ASB11: variants seen among roughly 807,000 people sequenced by gnomAD.
The protein encoded by ASB11 is ankyrin repeat and SOCS box protein 11.
Under a neutral mutation model 20.1 loss-of-function variants are expected in ASB11, and 17 were observed. That is an observed-to-expected ratio of 0.85 (90% confidence interval 0.58 to 1.27). ASB11 has a LOEUF of 1.27. Ranked by LOEUF, ASB11 falls within the 50% of genes most tolerant of loss-of-function variation. ASB11 has a pLI of 0.00. For missense variants in ASB11, 259 were observed against 256.9 expected, an observed-to-expected ratio of 1.01 and a Z score of -0.06; for synonymous variants, 107 against 105.6, an observed-to-expected ratio of 1.01 and a Z score of -0.08.
At chrX:15,304,947 A>G (rs2147700327) in intron 1 of ASB11, among the ~76,000 whole-genome samples, 1 of 111,984 alleles carries the variant, frequency 8.9e-6, no homozygotes. Context: ...ATTATATCTT[A>G]TCAAATAAAA....
chrX:15,290,562 A>G (rs763546093), intron 4 of ASB11, among the ~76,000 whole-genome samples: 7 of 112,481 alleles, frequency 6.2e-5, no homozygotes, highest in South Asian at 3.7e-4. Flanking sequence ...AGTTTGCCCA[A>G]TAAATAGATA....
intron 5 of ASB11, 41 bp from the exon 6 acceptor site, chrX:15,288,113 T>C (rs867166879): frequency 8.8e-7 from 1 of 1,136,193 alleles, no homozygotes; most frequent in Admixed American, 2.5e-5. Flanking sequence ...CTAAATGTAA[T>C]GTAAAGCACA....
chrX:15,290,851 A>T (rs1400247752), intron 4 of ASB11, among the ~76,000 whole-genome samples: 3 of 112,097 alleles, frequency 2.7e-5, no homozygotes, highest in African/African-American at 9.7e-5. Flanking sequence ...TTGTTCACAT[A>T]ATTAAATATT....
Position 15,287,896 on chromosome X carries a change from G to A in ASB11, c.832C>T (p.Leu278Phe). 8.3e-7 allele frequency: 1 copy of A among 1,208,823 alleles called. No individual in the cohort carries two copies. Among genetic ancestry groups the A allele is most frequent in the Non-Finnish European group, 1.1e-6 (1 of 893,904 alleles). The change falls in exon 6 of 7, where the codon CTC becomes TTC. Residue 278 changes from leucine (L) to phenylalanine (F), a missense_variant. Leu to Phe is a conservative substitution (Grantham distance 22, BLOSUM62 0). Transcript: ENST00000480796. ...AAPKSSVEQALLLREGPPALS... is the reference protein window; with the variant it reads ...AAPKSSVEQAFLLREGPPALS... Reference sequence around the variant, plus strand: ...CCTTGGTTACCTTCACGGAGCAAGAGTGCCTGCTCCACGCTGCTTTTTGGA... The same window carrying A: ...CCTTGGTTACCTTCACGGAGCAAGAATGCCTGCTCCACGCTGCTTTTTGGA...
At position 15,283,576 on chromosome X, in the gene ASB11, G is replaced by A. The variant is rs140674300; in HGVS notation, c.901C>T (p.Arg301Ter). The A allele has an allele frequency of 5.0e-6, 6 of 1,209,795 alleles. No individual in the cohort carries two copies. The highest frequency in any genetic ancestry group is 3.0e-5 in the East Asian group (1 of 33,811). Residue 301 changes from arginine to a stop codon, truncating the protein, a stop_gained, in exon 7 of 7, where the codon CGA (arginine) becomes TGA (stop). Coordinates refer to ENST00000480796, the MANE Select transcript of ASB11 (RefSeq NM_080873.3). LOFTEE classifies it high-confidence loss of function. ...CRLCVRKCLG[R>*]ACHQAIHKLH... Reference sequence around the variant, plus strand: ...TTGTGGATGGCTTGATGACATGCTCGACCGAGACACTTCCGGACACACAGG... The same window carrying A: ...TTGTGGATGGCTTGATGACATGCTCAACCGAGACACTTCCGGACACACAGG...
At chrX:15,306,302 T>C (rs1921244514) in intron 1 of ASB11, among the ~76,000 whole-genome samples, 1 of 112,461 alleles carries the variant, frequency 8.9e-6, no homozygotes, top group African/African-American at 3.2e-5. Flanking sequence ...ATGGGATTGC[T>C]GAGTCGAATG....
chrX:15,298,525 A>G (rs16979812), intron 2 of ASB11, among the ~76,000 whole-genome samples: 2,909 of 111,362 alleles, frequency 0.026, 101 homozygotes, highest in African/African-American at 0.089. Context: ...TGGAGCACCT[A>G]TGAAGTCTGC....
chrX:15,303,431 C>T (rs781652574), intron 1 of ASB11, among the ~76,000 whole-genome samples: 3 of 112,255 alleles, frequency 2.7e-5, no homozygotes, highest in East Asian at 2.8e-4. Flanking sequence ...TCCTGGGCCA[C>T]GAGTTGGACA....
Position 15,288,166 on chromosome X carries a change from T to C in ASB11, c.656-94A>G, listed in dbSNP as rs915903725. On this transcript the variant is annotated intron_variant, in intron 5 of 6. Transcript: ENST00000480796. ...TCATTGCATATAAAGACATTTTAAG[T>C]ACCATGACATACTTGACAAATGTTT... is the stretch of plus-strand genomic sequence containing the variant. 7.9e-6 allele frequency: 7 copies of C among 891,172 alleles called. No homozygotes were observed. In the African/African-American group the frequency reaches 1.2e-4, roughly 15 times the overall value. 73.4% of individuals were successfully genotyped at this position (891,172 alleles called of 1,213,427 possible).
chrX:15,285,498 G>C (rs754721096), intron 6 of ASB11, among the ~76,000 whole-genome samples: 1 of 110,839 alleles, frequency 9.0e-6, no homozygotes, highest in Admixed American at 9.7e-5. Context: ...AGAGGAGCTA[G>C]GCCCTGTCCA....
intron 5 of ASB11, among the ~76,000 whole-genome samples, chrX:15,288,307 G>A (rs926103572): frequency 2.7e-5 from 3 of 111,725 alleles, no homozygotes; most frequent in Non-Finnish European, 1.9e-5. Flanking sequence ...TTGCTTTCCC[G>A]TATAAACTGT....
At chrX:15,295,190 G>A (rs377707759) in intron 3 of ASB11, among the ~76,000 whole-genome samples, 5 of 110,427 alleles carry the variant, frequency 4.5e-5, no homozygotes, top group African/African-American at 1.3e-4. Context: ...CTACAGGCGC[G>A]TGCCACCATG....
intron 1 of ASB11, among the ~76,000 whole-genome samples, chrX:15,310,023 C>T (rs1254064359): frequency 1.1e-5 from 1 of 88,921 alleles, no homozygotes; most frequent in Non-Finnish European, 2.3e-5. Flanking sequence ...CAACTGGAAA[C>T]GAAGTAACTC....
In ASB11 at chrX:15,313,895, C is replaced by CA. The variant is rs1338666865; in HGVS notation, c.181+1529dup. ...TGAAACCCTGTCTCTACTAAAAATA[C>CA]AAAAAAATTAGCTGGGCATGGTGGC... On this transcript the variant is annotated intron_variant, in intron 1 of 6. Coordinates refer to ENST00000480796, the MANE Select transcript of ASB11 (RefSeq NM_080873.3). Among the ~76,000 whole-genome samples, 10 of 109,243 alleles carry CA rather than the reference C, an allele frequency of 9.2e-5. 1 individual carries two copies. Among genetic ancestry groups the CA allele is most frequent in the Non-Finnish European group, 1.7e-4 (9 of 52,372 alleles). 94.9% of individuals were successfully genotyped at this position (109,243 alleles called of 115,157 possible).
At chrX:15,286,871 A>T (rs1000599872) in intron 6 of ASB11, among the ~76,000 whole-genome samples, 5 of 111,626 alleles carry the variant, frequency 4.5e-5, no homozygotes, top group African/African-American at 1.6e-4. Flanking sequence ...TTTCAAATTT[A>T]GCCCAGTGCC....
chrX:15,284,393 A>G (rs899485772), intron 6 of ASB11, among the ~76,000 whole-genome samples: 1 of 111,542 alleles, frequency 9.0e-6, no homozygotes, highest in Non-Finnish European at 1.9e-5. Context: ...GTCAGCGGGA[A>G]GTTCCACCTG....
intron 3 of ASB11, among the ~76,000 whole-genome samples, chrX:15,297,160 C>T (rs1437996269): frequency 8.9e-5 from 10 of 112,124 alleles, no homozygotes; most frequent in African/African-American, 2.9e-4. Flanking sequence ...GGCGTGGCGG[C>T]GTGTGCCTGT....
At chrX:15,298,111 A>C (rs1033216652) in intron 2 of ASB11, among the ~76,000 whole-genome samples, 9 of 112,143 alleles carry the variant, frequency 8.0e-5, no homozygotes, top group African/African-American at 2.9e-4. Context: ...GGGAGGCAGA[A>C]ATGAAAGACA....
chrX:15,313,918 G>A (rs1225613013), intron 1 of ASB11, among the ~76,000 whole-genome samples: 1 of 110,387 alleles, frequency 9.1e-6, no homozygotes, highest in African/African-American at 3.3e-5. Context: ...TGGGCATGGT[G>A]GCGTGTGCCT....
Sources: gnomAD v4.1 joint callset for allele counts (sites outside exome capture counted in the v4.1 genomes callset) on GRCh38, gnomAD v4.1.1 for gene constraint, MANE v1.5 for transcripts, NCBI Gene and HGNC (gene_info 2026-07-23, HGNC 2026-07-21) for gene names.